ZC3H8: variants seen among roughly 807,000 people sequenced by gnomAD.
ZC3H8 encodes zinc finger CCCH-type containing 8.
Under a neutral mutation model 42.5 loss-of-function variants are expected in ZC3H8, and 27 were observed. The observed-to-expected ratio is 0.64, with a 90% confidence interval of 0.47 to 0.88. The LOEUF is 0.88. ZC3H8 is among the 40% of genes least tolerant of loss of function. ZC3H8 has a pLI of 0.00. For missense variants in ZC3H8, 277 were observed against 336.1 expected (o/e 0.82, Z 1.37); for synonymous variants, 101 against 110.1 (o/e 0.92, Z 0.52).
chr2:112,243,895 G>A (rs1057339421), intron 2 of ZC3H8, among the ~76,000 whole-genome samples: 3 of 151,144 alleles, frequency 2.0e-5, no homozygotes, highest in Admixed American at 6.6e-5. Context: ...AATACACAAA[G>A]ATATTAAAAA....
intron 2 of ZC3H8, among the ~76,000 whole-genome samples, chr2:112,249,724 G>A (rs1329148931): frequency 2.0e-5 from 3 of 152,176 alleles, no homozygotes; most frequent in South Asian, 2.1e-4. Flanking sequence ...GACTACAGGC[G>A]TGAGCCACCG....
At chr2:112,236,931 CTGTAG>C (rs1240303158) in intron 3 of ZC3H8, among the ~76,000 whole-genome samples, 1 of 152,118 alleles carries the variant, frequency 6.6e-6, no homozygotes, top group Non-Finnish European at 1.5e-5. Context: ...TGGTGCACGC[CTGTAG>C]TCCAGCTACT....
At chr2:112,247,690 T>C (rs1685807306) in intron 2 of ZC3H8, among the ~76,000 whole-genome samples, 1 of 152,260 alleles carries the variant, frequency 6.6e-6, no homozygotes, top group Non-Finnish European at 1.5e-5. Flanking sequence ...TGGTTGAGAA[T>C]AACCTAGGAG....
intron 8 of ZC3H8, among the ~76,000 whole-genome samples, chr2:112,225,493 G>T (rs1479067226): frequency 6.6e-6 from 1 of 151,722 alleles, no homozygotes; most frequent in Non-Finnish European, 1.5e-5. Context: ...AAAGACTACA[G>T]TCAACATATT....
intron 1 of ZC3H8, among the ~76,000 whole-genome samples, chr2:112,250,784 C>A (rs1685919611): frequency 6.6e-6 from 1 of 151,914 alleles, no homozygotes; most frequent in Non-Finnish European, 1.5e-5. Flanking sequence ...TATGAGTTAG[C>A]CAAAAAAGAG....
chr2:112,243,225 G>GT (rs1236125486), intron 2 of ZC3H8, among the ~76,000 whole-genome samples: 1 of 152,182 alleles, frequency 6.6e-6, no homozygotes, highest in Non-Finnish European at 1.5e-5. Flanking sequence ...TTCCAGAAGT[G>GT]TTTTTTCAGA....
At chr2:112,243,656 G>C (rs1685660813) in intron 2 of ZC3H8, among the ~76,000 whole-genome samples, 1 of 152,082 alleles carries the variant, frequency 6.6e-6, no homozygotes, top group African/African-American at 2.4e-5. Flanking sequence ...ATCAGTCAAA[G>C]GCTGTGTTGT....
intron 4 of ZC3H8, among the ~76,000 whole-genome samples, chr2:112,234,887 A>G (rs1011701581): frequency 7.2e-5 from 11 of 152,308 alleles, no homozygotes; most frequent in African/African-American, 2.6e-4. Flanking sequence ...AGAGTGGTAG[A>G]GACAAAGTTG....
In ZC3H8 at chr2:112,250,173, T is replaced by C. The variant is rs1301779872; in HGVS notation, c.156+18A>G. On this transcript the variant is annotated intron_variant, in intron 2 of 8. Transcript: ENST00000409573. ...AAATCTGCGTTTTCAACTTAAACAG[T>C]GGTCAACTTAATCTTACTTTTTTGG... 6.5e-7 allele frequency: 1 copy of C among 1,541,124 alleles called. No homozygotes were observed. The highest frequency in any genetic ancestry group is 8.8e-7 in the Non-Finnish European group (1 of 1,141,444).
chr2:112,230,753 T>C (rs1685051414), intron 8 of ZC3H8, 150 bp downstream of exon 8: 1 of 413,744 alleles, frequency 2.4e-6, no homozygotes, highest in African/African-American at 2.2e-5. Context: ...TCCATATAGG[T>C]ATGTAAATAT....
Position 112,212,180 on chromosome 2 carries a change from G to A in ZC3H8, c.*4304C>T, listed in dbSNP as rs923552335. 1 of 152,192 alleles carries A rather than the reference G, an allele frequency of 6.6e-6. No individual in the cohort carries two copies. The highest frequency in any genetic ancestry group is 6.5e-5 in the Admixed American group (1 of 15,272). The allele number at this position is 152,192 out of a possible 1,614,324, so 9.4% of individuals were successfully genotyped here. A position where few individuals can be genotyped will look rare whatever the true frequency, so the allele number is the denominator to read the frequency against. ...TTTTCTTGCCGTGTCCTCACATGGT[G>A]GAAAAGGGAGACAGCTCCCCAGGGC... On this transcript the variant is annotated 3_prime_UTR_variant, in exon 9 of 9. Coordinates refer to ENST00000409573, the MANE Select transcript of ZC3H8 (RefSeq NM_032494.3).
chr2:112,218,292 T>A (rs1304864730), intron 8 of ZC3H8, among the ~76,000 whole-genome samples: 1 of 152,198 alleles, frequency 6.6e-6, no homozygotes, highest in Non-Finnish European at 1.5e-5. Context: ...GGCAGATGTT[T>A]TCAGAAGGGA....
At chr2:112,218,137 T>C (rs1684410273) in intron 8 of ZC3H8, among the ~76,000 whole-genome samples, 1 of 152,220 alleles carries the variant, frequency 6.6e-6, no homozygotes, top group South Asian at 2.1e-4. Flanking sequence ...CACATGTACT[T>C]TTCTTAGGAA....
chr2:112,243,776 GC>G (rs1228048743), intron 2 of ZC3H8, among the ~76,000 whole-genome samples: 8 of 151,996 alleles, frequency 5.3e-5, no homozygotes, highest in Non-Finnish European at 8.8e-5. Context: ...TATAGAAAAT[GC>G]TTACTGATCC....
intron 8 of ZC3H8, among the ~76,000 whole-genome samples, chr2:112,217,266 G>A (rs1684367446): frequency 6.6e-6 from 1 of 152,084 alleles, no homozygotes; most frequent in Non-Finnish European, 1.5e-5. Flanking sequence ...AGCTATTCAG[G>A]AGGCTGAGAC....
intron 8 of ZC3H8, among the ~76,000 whole-genome samples, chr2:112,228,650 A>G (rs1461709421): frequency 6.6e-6 from 1 of 152,204 alleles, no homozygotes; most frequent in African/African-American, 2.4e-5. Context: ...AGAAGAAAAC[A>G]TAAGAGCACA....
intron 8 of ZC3H8, 82 bp downstream of exon 8, chr2:112,230,821 T>G (rs1388513068): frequency 9.0e-5 from 77 of 855,532 alleles, no homozygotes; most frequent in Non-Finnish European, 1.1e-4. Flanking sequence ...TACTTCTATT[T>G]GAGAACCCTA....
At chr2:112,254,043 ATCTTC>A in intron 1 of ZC3H8, 1 of 903,246 alleles carries the variant, frequency 1.1e-6, no homozygotes, top group Non-Finnish European at 1.3e-6. Flanking sequence ...GGACGGCATC[ATCTTC>A]TCTTTAAGTT....
intron 8 of ZC3H8, among the ~76,000 whole-genome samples, chr2:112,219,811 C>T (rs768899311): frequency 9.9e-5 from 15 of 151,990 alleles, no homozygotes; most frequent in Non-Finnish European, 1.3e-4. Flanking sequence ...AGTTCAGGTC[C>T]CAAACATCTT....
Sources: gnomAD v4.1 joint callset for allele counts (sites outside exome capture counted in the v4.1 genomes callset) on GRCh38, gnomAD v4.1.1 for gene constraint, MANE v1.5 for transcripts, NCBI Gene and HGNC (gene_info 2026-07-23, HGNC 2026-07-21) for gene names.